Variants in HECA observed in about 807,000 individuals in gnomAD.
HECA encodes HECA ribonucleoprotein granule regulator.
HECA carries 13 observed loss-of-function variants against 37.6 expected under a neutral mutation model. That is an observed-to-expected ratio of 0.35 (90% confidence interval 0.23 to 0.55). The LOEUF (loss-of-function observed/expected upper bound fraction) is 0.55. Among genes scored for constraint, HECA ranks in the 20% least tolerant of loss-of-function variants. The pLI is 0.90. For missense variants in HECA, 527 were observed against 701.9 expected (o/e 0.75, Z 2.82); for synonymous variants, 307 against 291.5 (o/e 1.05, Z -0.54).
chr6:139,135,744 C>A, intron 1 of HECA, 77 bp downstream of exon 1: 1 of 605,238 alleles, frequency 1.7e-6, no homozygotes, highest in Non-Finnish European at 2.1e-6. Context: ...CTGGGTGGCG[C>A]GGGCGGTGCG....
At chr6:139,152,283 T>G (rs1035275597) in intron 1 of HECA, among the ~76,000 whole-genome samples, 3 of 152,184 alleles carry the variant, frequency 2.0e-5, no homozygotes, top group Non-Finnish European at 4.4e-5. Context: ...GAGTTTTTTA[T>G]TTAGTTTGAA....
intron 2 of HECA, among the ~76,000 whole-genome samples, chr6:139,171,261 C>T (rs2114485738): frequency 6.6e-6 from 1 of 152,132 alleles, no homozygotes; most frequent in South Asian, 2.1e-4. Flanking sequence ...ATGATAAACC[C>T]ACAACCAAAT....
chr6:139,143,219 G>A (rs1774537041), intron 1 of HECA, among the ~76,000 whole-genome samples: 1 of 152,096 alleles, frequency 6.6e-6, no homozygotes, highest in African/African-American at 2.4e-5. Flanking sequence ...CCTTTAGGGT[G>A]TTTTTTTGAA....
At chr6:139,161,372 A>G (rs978164893) in intron 1 of HECA, among the ~76,000 whole-genome samples, 4 of 152,104 alleles carry the variant, frequency 2.6e-5, no homozygotes, top group Non-Finnish European at 5.9e-5. Flanking sequence ...CAGGGCTGGC[A>G]AGTTGGAGTG....
Position 139,178,256 on chromosome 6 carries a change from A to G in HECA, c.*1151A>G, listed in dbSNP as rs1214731010. Reference sequence around the variant, plus strand: ...TTGATGAAAAAGGATGATCATATATATAGAACTTGATTAGTCAGAGCATTG... The same window carrying G: ...TTGATGAAAAAGGATGATCATATATGTAGAACTTGATTAGTCAGAGCATTG... On this transcript the variant is annotated 3_prime_UTR_variant, in exon 4 of 4. Transcript: ENST00000367658. 3 of 152,248 alleles carry G rather than the reference A, an allele frequency of 2.0e-5. No individual in the cohort carries two copies. Among genetic ancestry groups the G allele is most frequent in the Non-Finnish European group, 4.4e-5 (3 of 68,046 alleles). 9.4% of individuals were successfully genotyped at this position (152,248 alleles called of 1,614,324 possible). A position where few individuals can be genotyped will look rare whatever the true frequency, so the allele number is the denominator to read the frequency against.
intron 1 of HECA, among the ~76,000 whole-genome samples, chr6:139,147,395 G>A (rs1160858150): frequency 6.6e-6 from 1 of 152,148 alleles, no homozygotes; most frequent in Non-Finnish European, 1.5e-5. Flanking sequence ...GGAGGCTGAG[G>A]TGGGTGAAAC....
intron 2 of HECA, among the ~76,000 whole-genome samples, chr6:139,168,882 G>T (rs1405080338): frequency 6.6e-6 from 1 of 152,116 alleles, no homozygotes; most frequent in Non-Finnish European, 1.5e-5. Flanking sequence ...TTGGAATTTT[G>T]AAGACATTTC....
At chr6:139,141,509 GTTAA>G (rs1324748395) in intron 1 of HECA, among the ~76,000 whole-genome samples, 1 of 152,132 alleles carries the variant, frequency 6.6e-6, no homozygotes, top group African/African-American at 2.4e-5. Context: ...TACTTCATGT[GTTAA>G]TTTGTTTCTG....
intron 1 of HECA, chr6:139,150,985 G>A (rs1774643333): frequency 6.6e-6 from 1 of 152,142 alleles, no homozygotes; most frequent in Non-Finnish European, 1.5e-5. Flanking sequence ...TGATTGTTGA[G>A]TCTACTTTTT....
chr6:139,171,790 CTTAT>C (rs1310628679), intron 2 of HECA, among the ~76,000 whole-genome samples: 1 of 151,512 alleles, frequency 6.6e-6, no homozygotes, highest in Non-Finnish European at 1.5e-5. Context: ...CCACACTCGG[CTTAT>C]TTAATTTGTT....
In HECA at chr6:139,178,127, T is replaced by G. The variant is rs1582953177; in HGVS notation, c.*1022T>G. 6.6e-6 allele frequency: 1 copy of G among 152,342 alleles called. No individual in the cohort carries two copies. Among genetic ancestry groups the G allele is most frequent in the South Asian group, 2.1e-4 (1 of 4,830 alleles). 9.4% of individuals were successfully genotyped at this position (152,342 alleles called of 1,614,324 possible). A position where few individuals can be genotyped will look rare whatever the true frequency, so the allele number is the denominator to read the frequency against. On this transcript the variant is annotated 3_prime_UTR_variant, in exon 4 of 4. Coordinates refer to ENST00000367658, the MANE Select transcript of HECA (RefSeq NM_016217.3). ...GTGAAAGGATGATGAAGAAAATAAT[T>G]TTACTATTTCTTTTAAAAGTATGTT...
intron 2 of HECA, chr6:139,170,374 C>A (rs1392217037): frequency 6.6e-6 from 1 of 152,148 alleles, no homozygotes; most frequent in East Asian, 1.9e-4. Flanking sequence ...AACTAACTTA[C>A]CAGGCTTAAA....
chr6:139,170,670 G>A (rs78511673), intron 2 of HECA: 4,569 of 152,332 alleles, frequency 0.03, 74 homozygotes, highest in Non-Finnish European at 0.039. Context: ...AGTGGGAAAG[G>A]AGTAGGATAG....
chr6:139,136,970 C>T (rs774158235), intron 1 of HECA, among the ~76,000 whole-genome samples: 1 of 152,204 alleles, frequency 6.6e-6, no homozygotes, highest in Non-Finnish European at 1.5e-5. Flanking sequence ...CCTGCTCTTA[C>T]AAGCAGCGTA....
At chr6:139,142,591 C>T (rs953646302) in intron 1 of HECA, among the ~76,000 whole-genome samples, 5 of 152,172 alleles carry the variant, frequency 3.3e-5, no homozygotes, top group East Asian at 1.9e-4. Context: ...CAGATGCTGT[C>T]GTACATAGGG....
At chr6:139,165,937 A>G in intron 1 of HECA, 1 of 195,914 alleles carries the variant, frequency 5.1e-6, no homozygotes. Context: ...TAGACCAACA[A>G]TTAGTTTGAT....
At chr6:139,146,097 G>A (rs953135229) in intron 1 of HECA, among the ~76,000 whole-genome samples, 6 of 152,084 alleles carry the variant, frequency 3.9e-5, no homozygotes, top group Non-Finnish European at 8.8e-5. Flanking sequence ...TAGTCGGATA[G>A]GAAAAGATGG....
rs1307803691 is a variant in HECA at position 139,176,036 on chromosome 6, TAGAA to T, written c.1468-902_1468-899del. Among the ~76,000 whole-genome samples, 2 of 152,252 alleles carry T rather than the reference TAGAA, an allele frequency of 1.3e-5. No individual in the cohort carries two copies. Among genetic ancestry groups the T allele is most frequent in the East Asian group, 1.9e-4 (1 of 5,204 alleles). Reference sequence around the variant, plus strand: ...CCAAAAATAAGCAATAATTGATTCTTAGAAAGGTATAACAGTGTGAAGACGGGTT... The same window carrying T: ...CCAAAAATAAGCAATAATTGATTCTTAGGTATAACAGTGTGAAGACGGGTT... On this transcript the variant is annotated intron_variant, in intron 3 of 3. Transcript: ENST00000367658. The surrounding 1 kb of genome is among the most constrained non-coding windows in gnomAD (Gnocchi z 4.5).
intron 1 of HECA, among the ~76,000 whole-genome samples, chr6:139,163,542 TG>T (rs1397787898): frequency 6.6e-6 from 1 of 151,990 alleles, no homozygotes; most frequent in African/African-American, 2.4e-5. Context: ...TTAGTAGAGA[TG>T]GGGTTTCATC....
Sources: allele counts gnomAD v4.1 joint callset (sites outside exome capture counted in the v4.1 genomes callset), GRCh38; gene constraint gnomAD v4.1.1; non-coding constraint Gnocchi (gnomAD v3.1); transcripts MANE v1.5; gene names NCBI Gene and HGNC (gene_info 2026-07-23, HGNC 2026-07-21).